OR4N2: variants seen among roughly 807,000 people sequenced by gnomAD.
OR4N2 encodes the protein olfactory receptor family 4 subfamily N member 2.
For synonymous variants in OR4N2, 141 were observed against 140.4 expected, an observed-to-expected ratio of 1.00 and a Z score of -0.03; for missense variants, 307 against 377.6, an observed-to-expected ratio of 0.81 and a Z score of 1.55.
chr14:19,805,841 T>C (rs1879150574), intron 1 of OR4N2, among the ~76,000 whole-genome samples: 2 of 152,168 alleles, frequency 1.3e-5, no homozygotes, highest in African/African-American at 2.4e-5. Flanking sequence ...TCAGGTTATG[T>C]ACGAAGGGAA....
At chr14:19,813,851 T>C (rs1231326301) in intron 1 of OR4N2, among the ~76,000 whole-genome samples, 9 of 151,830 alleles carry the variant, frequency 5.9e-5, no homozygotes, top group African/African-American at 2.4e-5. Context: ...CTTTTTTTTT[T>C]TTTTAAGTCA....
At chr14:19,804,966 C>T (rs865812712) in intron 1 of OR4N2, among the ~76,000 whole-genome samples, 22 of 151,972 alleles carry the variant, frequency 1.4e-4, no homozygotes, top group Middle Eastern at 3.4e-3. Flanking sequence ...TTGTCTTTTT[C>T]GATTATTATT....
chr14:19,804,043 G>A (rs1414922056), intron 1 of OR4N2, among the ~76,000 whole-genome samples, 199 bp downstream of exon 1: 1 of 152,200 alleles, frequency 6.6e-6, no homozygotes, highest in African/African-American at 2.4e-5. Context: ...TGGTGGTAAT[G>A]TTCCCTTTGT....
At chr14:19,823,412 G>A (rs776062668) in intron 1 of OR4N2, among the ~76,000 whole-genome samples, 75 of 152,188 alleles carry the variant, frequency 4.9e-4, no homozygotes, top group Non-Finnish European at 8.2e-4. Context: ...CCACTTAAAA[G>A]TAAATGGTTA....
At chr14:19,814,598 G>A (rs1879379913) in intron 1 of OR4N2, among the ~76,000 whole-genome samples, 1 of 152,180 alleles carries the variant, frequency 6.6e-6, no homozygotes, top group Non-Finnish European at 1.5e-5. Context: ...TTTAAGCAAA[G>A]GCAGGATCAG....
At chr14:19,806,557 C>T (rs1763380914) in intron 1 of OR4N2, among the ~76,000 whole-genome samples, 1 of 152,186 alleles carries the variant, frequency 6.6e-6, no homozygotes, top group Non-Finnish European at 1.5e-5. Context: ...CATTGGAGCA[C>T]CCAGACTCAT....
At chr14:19,825,524 C>CATTTATTTATTT (rs746872467) in intron 1 of OR4N2, among the ~76,000 whole-genome samples, 20 of 149,718 alleles carry the variant, frequency 1.3e-4, no homozygotes, top group African/African-American at 4.4e-4. Context: ...TGTGCTAGAG[C>CATTTATTTATTT]ACTTATTTAT....
At chr14:19,804,380 C>T (rs2138456198) in intron 1 of OR4N2, among the ~76,000 whole-genome samples, 2 of 150,440 alleles carry the variant, frequency 1.3e-5, no homozygotes, top group Middle Eastern at 3.4e-3. Context: ...TATATGTGCC[C>T]CAGGGATTTT....
In OR4N2 at chr14:19,829,414, G is replaced by A. The variant is rs775572807; in HGVS notation, c.*1042G>A. ...TTTAAACAAAACATCATTTAATATC[G>A]AGAGTTAGGTGTTCACAAAATCACT... On this transcript the variant is annotated 3_prime_UTR_variant, in exon 2 of 2. Transcript: ENST00000557677. The A allele has an allele frequency of 3.3e-5, 5 of 152,346 alleles. No homozygotes were observed. The highest frequency in any genetic ancestry group is 1.9e-4 in the East Asian group (1 of 5,186). The allele number at this position is 152,346 out of a possible 1,614,324, so 9.4% of individuals were successfully genotyped here.
intron 1 of OR4N2, chr14:19,822,562 C>A (rs1879593696): frequency 1.3e-5 from 2 of 152,244 alleles, no homozygotes; most frequent in African/African-American, 4.8e-5. Flanking sequence ...GCTGTACTGG[C>A]AATTTTACAT....
chr14:19,823,243 T>C (rs1424325723), intron 1 of OR4N2, among the ~76,000 whole-genome samples: 4 of 152,262 alleles, frequency 2.6e-5, no homozygotes, highest in Non-Finnish European at 5.9e-5. Flanking sequence ...CATCCCTATT[T>C]TTGAAATTTG....
chr14:19,812,922 A>T (rs907592957), intron 1 of OR4N2, among the ~76,000 whole-genome samples: 5 of 152,290 alleles, frequency 3.3e-5, no homozygotes, highest in Non-Finnish European at 7.3e-5. Flanking sequence ...CAATGCATAA[A>T]TTGAATATAA....
At chr14:19,816,406 T>A (rs1879429234) in intron 1 of OR4N2, among the ~76,000 whole-genome samples, 1 of 152,262 alleles carries the variant, frequency 6.6e-6, no homozygotes, top group African/African-American at 2.4e-5. Context: ...CTTGAAGAGG[T>A]CCTTCATATC....
At position 19,817,780 on chromosome 14, in the gene OR4N2, A is replaced by C. The variant is rs550439211; in HGVS notation, c.-9-9660A>C. 1.4e-4 allele frequency among the ~76,000 whole-genome samples: 21 copies of C among 152,344 alleles called. No individual in the cohort carries two copies. In the South Asian group the frequency reaches 4.3e-3, roughly 32 times the overall value. ...CTCTAGTTCTTTTAATTGTAATGTTAGGGTGTCAATTTTAGATCTTTCCTG... is the reference window on the plus strand; with the variant it reads ...CTCTAGTTCTTTTAATTGTAATGTTCGGGTGTCAATTTTAGATCTTTCCTG... On this transcript the variant is annotated intron_variant, in intron 1 of 1. Transcript: ENST00000557677.
intron 1 of OR4N2, among the ~76,000 whole-genome samples, chr14:19,805,959 CA>C (rs1198572526): frequency 6.6e-6 from 1 of 152,306 alleles, no homozygotes; most frequent in East Asian, 1.9e-4. Flanking sequence ...CCAAGAATTT[CA>C]TATCCCACCC....
chr14:19,812,869 C>T (rs1174817357), intron 1 of OR4N2, among the ~76,000 whole-genome samples: 5 of 152,078 alleles, frequency 3.3e-5, no homozygotes, highest in Non-Finnish European at 7.4e-5. Flanking sequence ...CAGAGACAAA[C>T]TCTTTTGTTG....
At chr14:19,808,433 C>G (rs968859573) in intron 1 of OR4N2, among the ~76,000 whole-genome samples, 1 of 152,158 alleles carries the variant, frequency 6.6e-6, no homozygotes, top group African/African-American at 2.4e-5. Context: ...TTCCATACAT[C>G]AATAATGTCC....
At chr14:19,804,236 C>T (rs1245975912) in intron 1 of OR4N2, among the ~76,000 whole-genome samples, 1 of 151,452 alleles carries the variant, frequency 6.6e-6, no homozygotes, top group Non-Finnish European at 1.5e-5. Flanking sequence ...CTTTATCTTG[C>T]TAGCTTTGGG....
chr14:19,812,596 G>T (rs1383913074), intron 1 of OR4N2, among the ~76,000 whole-genome samples: 1 of 152,308 alleles, frequency 6.6e-6, no homozygotes, highest in East Asian at 1.9e-4. Context: ...CTGACTTCGT[G>T]ATCCGCCCAC....
Sources: gnomAD v4.1 joint callset for allele counts (sites outside exome capture counted in the v4.1 genomes callset) on GRCh38, gnomAD v4.1.1 for gene constraint, MANE v1.5 for transcripts, NCBI Gene and HGNC (gene_info 2026-07-23, HGNC 2026-07-21) for gene names.